SLC43A2: variants seen among roughly 807,000 people sequenced by gnomAD.
The protein encoded by SLC43A2 is large neutral amino acids transporter small subunit 4.
A neutral mutation model predicts 63.2 loss-of-function variants in SLC43A2; 38 were observed. The ratio of observed to expected loss-of-function variants is 0.60; its 90% confidence interval spans 0.46 to 0.79. The LOEUF (loss-of-function observed/expected upper bound fraction) is 0.79, where lower values mean the gene tolerates loss of function less well. Among genes scored for constraint, SLC43A2 ranks in the 30% least tolerant of loss-of-function variants. The pLI is 0.00. For synonymous variants in SLC43A2, 322 were observed against 331.0 expected, an observed-to-expected ratio of 0.97 and a Z score of 0.30; for missense variants, 644 against 756.2, an observed-to-expected ratio of 0.85 and a Z score of 1.74.
chr17:1,586,077 G>T, intron 9 of SLC43A2, 26 bp from the exon 10 acceptor site: 1 of 1,553,932 alleles, frequency 6.4e-7, no homozygotes, highest in South Asian at 1.2e-5. Flanking sequence ...CTGCGTCATG[G>T]GGACGCCTGG....
chr17:1,623,887 C>A (rs958603957), intron 2 of SLC43A2, among the ~76,000 whole-genome samples: 1 of 152,040 alleles, frequency 6.6e-6, no homozygotes, highest in African/African-American at 2.4e-5. Context: ...CCAGGGTGTA[C>A]CCTCCTCTCC....
At chr17:1,590,713 C>T (rs983816107) in intron 9 of SLC43A2, 89 bp downstream of exon 9, 8 of 1,499,480 alleles carry the variant, frequency 5.3e-6, no homozygotes, top group African/African-American at 4.2e-5. Flanking sequence ...CCGGCTGGCC[C>T]GGCTCAGCTT....
rs1483279720 is a variant in SLC43A2 at position 1,569,934 on chromosome 17, C to T, written c.*5670G>A. Reference sequence around the variant, plus strand: ...ACGGAGTCTTGCTCTGTCGCCCAGGCTGGAGTGCAGTGGCACAATCTCGGC... The same window carrying T: ...ACGGAGTCTTGCTCTGTCGCCCAGGTTGGAGTGCAGTGGCACAATCTCGGC... On this transcript the variant is annotated 3_prime_UTR_variant, in exon 14 of 14. Transcript: ENST00000301335. 7.4e-6 allele frequency: 1 copy of T among 135,796 alleles called. No homozygotes were observed. Among genetic ancestry groups the T allele is most frequent in the Non-Finnish European group, 1.5e-5 (1 of 65,696 alleles). The allele number at this position is 135,796 out of a possible 1,614,324, so 8.4% of individuals were successfully genotyped here.
Position 1,613,270 on chromosome 17 carries a change from A to C in SLC43A2, c.426T>G (p.Ala142=), listed in dbSNP as rs956126924. The C allele has an allele frequency of 1.9e-6, 3 of 1,613,960 alleles. No individual in the cohort carries two copies. In the African/African-American group the frequency reaches 4.0e-5, roughly 22 times the overall value. ...GGGCGATGAAGATGAGCACGGAGAG[A>C]GCTGCAGGGACATGGAAAGCTCGTG... ...LIAYGASKPN[A]LSVLIFIALA... The change falls in exon 5 of 14, where the codon GCT becomes GCG. Residue 142 remains alanine (A), a splice_region_variant and synonymous_variant. Transcript: ENST00000301335.
At chr17:1,599,692 C>T (rs1462781479) in intron 5 of SLC43A2, among the ~76,000 whole-genome samples, 1 of 151,712 alleles carries the variant, frequency 6.6e-6, no homozygotes. Context: ...CACAGTTAGA[C>T]TCCGTCTCAA....
At chr17:1,582,993 C>T (rs538161400) in intron 11 of SLC43A2, among the ~76,000 whole-genome samples, 12 of 152,224 alleles carry the variant, frequency 7.9e-5, no homozygotes, top group South Asian at 4.1e-4. Context: ...GCAGGAGAAT[C>T]GCTTGAACCC....
chr17:1,609,255 G>A (rs1257128019), intron 5 of SLC43A2, among the ~76,000 whole-genome samples: 1 of 152,182 alleles, frequency 6.6e-6, no homozygotes, highest in African/African-American at 2.4e-5. Flanking sequence ...AGGCCGGAGT[G>A]CAGTGGCGCA....
At chr17:1,576,541 G>A (rs200190154) in intron 13 of SLC43A2, 56 bp downstream of exon 13, 93 of 1,545,278 alleles carry the variant, frequency 6.0e-5, no homozygotes, top group Admixed American at 4.4e-4. Context: ...CTTGCAGCTC[G>A]CAGTTAGCAG....
At position 1,578,233 on chromosome 17, in the gene SLC43A2, C is replaced by T. The variant is rs375419945; in HGVS notation, c.1424+17G>A. 42 of 1,610,792 alleles carry T rather than the reference C, an allele frequency of 2.6e-5. No individual in the cohort carries two copies. The South Asian group carries it at 4.1e-4, about 16-fold the overall frequency. On this transcript the variant is annotated intron_variant, in intron 12 of 13. Coordinates refer to ENST00000301335, the MANE Select transcript of SLC43A2 (RefSeq NM_152346.3). This position sits in a 1 kb window ranked among gnomAD's most constrained non-coding sequence, Gnocchi z 6.5. ...ACACCCTCGCCCACCAGGCCACCTG[C>T]GGCTTCCAGGACTTACACGGCAGCG...
intron 7 of SLC43A2, 45 bp from the exon 8 acceptor site, chr17:1,591,516 G>T: frequency 6.2e-7 from 1 of 1,609,974 alleles, no homozygotes; most frequent in Non-Finnish European, 8.5e-7. Flanking sequence ...CGGGACCCCG[G>T]CTGGGGGGCG....
At chr17:1,623,203 G>C (rs1156526435) in intron 2 of SLC43A2, among the ~76,000 whole-genome samples, 7 of 152,304 alleles carry the variant, frequency 4.6e-5, no homozygotes, top group Admixed American at 2.0e-4. Context: ...ATCAAGCCTG[G>C]GCCTGCTTCC....
Position 1,591,772 on chromosome 17 carries a change from A to C in SLC43A2, c.595-73T>G, listed in dbSNP as rs947791244. The C allele has an allele frequency of 2.8e-5, 34 of 1,215,708 alleles. No individual in the cohort carries two copies. In the Admixed American group the frequency reaches 7.1e-4, roughly 26 times the overall value. The allele number at this position is 1,215,708 out of a possible 1,614,324, so 75.3% of individuals were successfully genotyped here. A position where few individuals can be genotyped will look rare whatever the true frequency, so the allele number is the denominator to read the frequency against. ...AGCCCGGGGAGGCCAGAGCCGCAGC[A>C]GGCAGGGGCGTCTGGCCACCCCTGC... On this transcript the variant is annotated intron_variant, in intron 6 of 13. Coordinates refer to ENST00000301335, the MANE Select transcript of SLC43A2 (RefSeq NM_152346.3).
Position 1,605,136 on chromosome 17 carries a change from G to A in SLC43A2, c.501+8059C>T, listed in dbSNP as rs1906481221. 6.3e-6 allele frequency: 8 copies of A among 1,277,560 alleles called. No individual in the cohort carries two copies. In the South Asian group the frequency reaches 6.9e-5, roughly 11 times the overall value. The allele number at this position is 1,277,560 out of a possible 1,614,324, so 79.1% of individuals were successfully genotyped here. On this transcript the variant is annotated intron_variant, in intron 5 of 13. Transcript: ENST00000301335. This position sits in a 1 kb window ranked among gnomAD's most constrained non-coding sequence, Gnocchi z 4.9. ...CTCAGGTGCTTCCCACAGCCCCCTC[G>A]CCGCCTCTGCCTCCGTGCGGGTCAA...
chr17:1,600,174 G>A (rs1410741330), intron 5 of SLC43A2, among the ~76,000 whole-genome samples: 6 of 48,644 alleles, frequency 1.2e-4, no homozygotes, highest in South Asian at 6.4e-4. Context: ...TTTTTGAGAC[G>A]GAGTCTGGCT....
chr17:1,604,798 C>G, intron 5 of SLC43A2: 1 of 1,535,786 alleles, frequency 6.5e-7, no homozygotes, highest in Non-Finnish European at 8.7e-7. Flanking sequence ...ATCGGATGGG[C>G]TTGCATTTGC....
chr17:1,594,152 C>G (rs575701819), intron 5 of SLC43A2, among the ~76,000 whole-genome samples: 1 of 152,284 alleles, frequency 6.6e-6, no homozygotes, highest in South Asian at 2.1e-4. Flanking sequence ...TCAGTACAAG[C>G]AGGGGATTAT....
intron 2 of SLC43A2, among the ~76,000 whole-genome samples, chr17:1,618,286 C>CTCAG (rs1907859282): frequency 6.6e-6 from 1 of 152,258 alleles, no homozygotes; most frequent in African/African-American, 2.4e-5. Context: ...CTTGCTCTAG[C>CTCAG]TCAGTTTCCT....
chr17:1,606,107 AAGTCCCG>A lies in SLC43A2; in HGVS notation c.501+7081_501+7087del, dbSNP rs1567636676. Among the ~76,000 whole-genome samples the A allele has an allele frequency of 6.6e-6, 1 of 152,140 alleles. No individual in the cohort carries two copies. Among genetic ancestry groups the A allele is most frequent in the Admixed American group, 6.6e-5 (1 of 15,266 alleles). On this transcript the variant is annotated intron_variant, in intron 5 of 13. Coordinates refer to ENST00000301335, the MANE Select transcript of SLC43A2 (RefSeq NM_152346.3). The surrounding 1 kb of genome is among the most constrained non-coding windows in gnomAD (Gnocchi z 4.7). ...GGCACAGCAGGCACTGGGCACTGGC[AAGTCCCG>A]CTCACCAGGCACCTAGACCCTCCAG...
chr17:1,586,897 T>C, intron 9 of SLC43A2: 7 of 1,527,830 alleles, frequency 4.6e-6, no homozygotes, highest in Non-Finnish European at 6.1e-6. Flanking sequence ...AGAGACTGGC[T>C]GGGAGGGGAC....
Sources: allele counts gnomAD v4.1 joint callset (sites outside exome capture counted in the v4.1 genomes callset), GRCh38; gene constraint gnomAD v4.1.1; non-coding constraint Gnocchi (gnomAD v3.1); transcripts MANE v1.5; gene names NCBI Gene and HGNC (gene_info 2026-07-23, HGNC 2026-07-21).